Variants in COTL1 observed in about 807,000 individuals in gnomAD.
COTL1 encodes coactosin-like protein.
A neutral mutation model predicts 16.5 loss-of-function variants in COTL1; 15 were observed. The observed-to-expected ratio is 0.91, with a 90% CI of 0.61 to 1.40. The LOEUF is 1.40. Among genes scored for constraint, COTL1 ranks in the 40% most tolerant of loss-of-function variants. The pLI is 0.00. For synonymous variants in COTL1, 112 were observed against 85.3 expected (o/e 1.31, Z -1.73); for missense variants, 220 against 201.5 (o/e 1.09, Z -0.56).
intron 3 of COTL1, among the ~76,000 whole-genome samples, chr16:84,587,626 G>A (rs1237640596): frequency 6.6e-6 from 1 of 152,006 alleles, no homozygotes; most frequent in Admixed American, 6.6e-5. Flanking sequence ...CTTAAAAAAA[G>A]CAGCTGCAGA....
rs147304495 is a variant in COTL1, at chr16:84,577,989, A to G, written c.319-11034T>C. On this transcript the variant is annotated intron_variant, in intron 3 of 3. Coordinates refer to ENST00000262428, the MANE Select transcript of COTL1 (RefSeq NM_021149.5). ...CCCAAACGCACCTTGCCTAATTTCTAACTACGGCTTCATCTAGACCAGGCA... is the reference window on the plus strand; with the variant it reads ...CCCAAACGCACCTTGCCTAATTTCTGACTACGGCTTCATCTAGACCAGGCA... Among the ~76,000 whole-genome samples, 77 of 152,234 alleles carry G rather than the reference A, an allele frequency of 5.1e-4. No individual in the cohort carries two copies. The East Asian group carries it at 0.014, about 27-fold the overall frequency.
rs145852923 is a variant in COTL1, at chr16:84,608,498, C to T, written c.160+9003G>A. On this transcript the variant is annotated intron_variant, in intron 2 of 3. Coordinates refer to ENST00000262428, the MANE Select transcript of COTL1 (RefSeq NM_021149.5). ...GTGGACACACAAAAAAGCTATGCAG[C>T]GTGGCTCAGGGCCTCCCAGCAACAG... 7.2e-5 allele frequency among the ~76,000 whole-genome samples: 11 copies of T among 152,348 alleles called. No homozygotes were observed. In the East Asian group the frequency reaches 1.9e-3, roughly 27 times the overall value.
intron 1 of COTL1, 76 bp downstream of exon 1, chr16:84,617,762 C>A (rs938267656): frequency 8.9e-6 from 13 of 1,467,548 alleles, no homozygotes; most frequent in African/African-American, 2.8e-5. Flanking sequence ...TCCGTCCCGC[C>A]TGGAGGCCGG....
At chr16:84,585,807 A>C (rs971867972) in intron 3 of COTL1, among the ~76,000 whole-genome samples, 5 of 152,242 alleles carry the variant, frequency 3.3e-5, no homozygotes, top group African/African-American at 1.2e-4. Flanking sequence ...TAGCAGCTTC[A>C]GATAATTAAC....
At position 84,574,454 on chromosome 16, in the gene COTL1, CG is replaced by C. The variant is rs1236934058; in HGVS notation, c.319-7500del. On this transcript the variant is annotated intron_variant, in intron 3 of 3. Coordinates refer to ENST00000262428, the MANE Select transcript of COTL1 (RefSeq NM_021149.5). ...GTGTCGCTCTCTCATAGCTGCCAGACGGGGGACTTCTCTTTTCTTGCCAAAG... is the reference window on the plus strand; with the variant it reads ...GTGTCGCTCTCTCATAGCTGCCAGACGGGGACTTCTCTTTTCTTGCCAAAG... Among the ~76,000 whole-genome samples, 4 of 152,304 alleles carry C rather than the reference CG, an allele frequency of 2.6e-5. No individual in the cohort carries two copies. The East Asian group carries it at 5.8e-4, about 22-fold the overall frequency.
intron 3 of COTL1, among the ~76,000 whole-genome samples, chr16:84,585,623 G>A (rs1169470388): frequency 2.0e-5 from 3 of 152,286 alleles, no homozygotes; most frequent in African/African-American, 7.2e-5. Flanking sequence ...CCATCTGGAA[G>A]GTCCCTTAGA....
chr16:84,569,819 G>A (rs1597165497), intron 3 of COTL1, among the ~76,000 whole-genome samples: 1 of 152,332 alleles, frequency 6.6e-6, no homozygotes, highest in African/African-American at 2.4e-5. Context: ...ACGGCATGAG[G>A]GAGGGGCAGA....
At chr16:84,566,984 C>A in intron 3 of COTL1, 29 bp from the exon 4 acceptor site, 1 of 1,542,740 alleles carries the variant, frequency 6.5e-7, no homozygotes, top group South Asian at 1.1e-5. Flanking sequence ...ACACAGCGTT[C>A]CTATTAAGAA....
chr16:84,605,171 G>A (rs199729433), intron 2 of COTL1, among the ~76,000 whole-genome samples: 1 of 152,218 alleles, frequency 6.6e-6, no homozygotes, highest in Non-Finnish European at 1.5e-5. Flanking sequence ...TCTGCCCCAC[G>A]GTGTTCCACA....
intron 2 of COTL1, among the ~76,000 whole-genome samples, chr16:84,591,204 G>A (rs894544997): frequency 2.2e-5 from 3 of 135,440 alleles, no homozygotes; most frequent in African/African-American, 8.5e-5. Context: ...TTTTTTTTGA[G>A]ACAGAGTCTC....
chr16:84,605,266 C>T lies in COTL1; in HGVS notation c.160+12235G>A, dbSNP rs371772572. On this transcript the variant is annotated intron_variant, in intron 2 of 3. Transcript: ENST00000262428. ...GTGCAGGGGGTGTCAGGAGTGGGGG[C>T]GAGAAGCACACACGCCAGGTAAGAA... Among the ~76,000 whole-genome samples, 3 of 152,090 alleles carry T rather than the reference C, an allele frequency of 2.0e-5. No homozygotes were observed. In the East Asian group the frequency reaches 5.8e-4, roughly 29 times the overall value.
rs1482806980 is a variant in COTL1 at position 84,566,659 on chromosome 16, T to C, written c.*186A>G. On this transcript the variant is annotated 3_prime_UTR_variant, in exon 4 of 4. Coordinates refer to ENST00000262428, the MANE Select transcript of COTL1 (RefSeq NM_021149.5). ...AAGAGGTTCCATGAGCGTCATGAGA[T>C]AGGACACGGCAGGGTTCTAAGGGAA... is the stretch of plus-strand genomic sequence containing the variant. The C allele has an allele frequency of 3.7e-6, 2 of 545,540 alleles. No individual in the cohort carries two copies. The highest frequency in any genetic ancestry group is 6.5e-6 in the Non-Finnish European group (2 of 306,818). 33.8% of individuals were successfully genotyped at this position (545,540 alleles called of 1,614,324 possible).
intron 2 of COTL1, chr16:84,596,186 G>A (rs1208926819): frequency 6.6e-6 from 1 of 152,450 alleles, no homozygotes; most frequent in African/African-American, 2.4e-5. Flanking sequence ...CCCAAACACA[G>A]GTACCAGAGA....
intron 3 of COTL1, chr16:84,568,828 T>A (rs1904309675): frequency 6.6e-6 from 1 of 152,222 alleles, no homozygotes; most frequent in Admixed American, 6.5e-5. Context: ...ATTATTTCCA[T>A]TTTAAAGGTG....
chr16:84,617,624 C>T, intron 1 of COTL1, 41 bp from the exon 2 acceptor site: 18 of 1,532,252 alleles, frequency 1.2e-5, no homozygotes, highest in Non-Finnish European at 1.5e-5. Context: ...CACACATCAG[C>T]GCTGGTGGCC....
intron 3 of COTL1, chr16:84,575,550 G>A (rs975025117): frequency 6.6e-6 from 1 of 151,874 alleles, no homozygotes; most frequent in Non-Finnish European, 1.5e-5. Context: ...TAGAGACAGG[G>A]TTTCATCATG....
intron 3 of COTL1, among the ~76,000 whole-genome samples, chr16:84,585,761 C>CTATATTTGCAACTGCAG (rs1343982522): frequency 7.9e-5 from 12 of 152,138 alleles, no homozygotes; most frequent in Admixed American, 7.9e-4. Flanking sequence ...ACCTAAATGG[C>CTATATTTGCAACTGCAG]TATATTTGCA....
rs781246785 is a variant in COTL1 at position 84,590,312 on chromosome 16, A to G, written c.161-50T>C. On this transcript the variant is annotated intron_variant, in intron 2 of 3. Coordinates refer to ENST00000262428, the MANE Select transcript of COTL1 (RefSeq NM_021149.5). This position sits in a 1 kb window ranked among gnomAD's most constrained non-coding sequence, Gnocchi z 5.5. The stretch of plus-strand genomic sequence containing the variant: ...CATGGTGCTGCGTTAAAACACCCCC[A>G]TGTCATGTCCCTGGGGAGAGGCTGT... The G allele has an allele frequency of 2.5e-6, 4 of 1,590,276 alleles. No homozygotes were observed. The highest frequency in any genetic ancestry group is 2.3e-5 in the South Asian group (2 of 88,510).
intron 3 of COTL1, among the ~76,000 whole-genome samples, chr16:84,574,884 T>A (rs2914823): frequency 0.46 from 70,345 of 151,806 alleles, 16,686 homozygotes; most frequent in Middle Eastern, 0.57. Flanking sequence ...TAAACATCCA[T>A]TGAAACCTGT....
Sources: gnomAD v4.1 joint callset for allele counts (sites outside exome capture counted in the v4.1 genomes callset) on GRCh38, gnomAD v4.1.1 for gene constraint, Gnocchi (gnomAD v3.1) non-coding constraint, MANE v1.5 for transcripts, NCBI Gene and HGNC (gene_info 2026-07-23, HGNC 2026-07-21) for gene names.